PPP1R12B: variants seen among roughly 807,000 people sequenced by gnomAD.
PPP1R12B encodes the protein myosin phosphatase target subunit 2.
A neutral mutation model predicts 126.1 loss-of-function variants in PPP1R12B; 76 were observed. That is an observed-to-expected ratio of 0.60 (90% CI 0.50 to 0.73). The LOEUF is 0.73. Among genes scored for constraint, PPP1R12B ranks in the 30% least tolerant of loss-of-function variants. The probability of loss-of-function intolerance (pLI) is 0.00; values close to 1 mark genes in which losing one functional copy is unlikely to be tolerated. For synonymous variants in PPP1R12B, 356 were observed against 434.7 expected (o/e 0.82, Z 2.25); for missense variants, 1,052 against 1,205.1 (o/e 0.87, Z 1.88).
At chr1:202,393,683 A>T (rs917245592) in intron 1 of PPP1R12B, among the ~76,000 whole-genome samples, 3 of 152,218 alleles carry the variant, frequency 2.0e-5, no homozygotes, top group Non-Finnish European at 4.4e-5. Flanking sequence ...ATAGTAAAAA[A>T]TTAAGGAAAA....
rs1572596758 is a variant in PPP1R12B, at chr1:202,590,580, A to C, written c.*10020A>C. ...CAGCGCAGCAAAAACAACCAGAGAC[A>C]CCCCCCACCCCCAGGTTTCTTTCAG... On this transcript the variant is annotated 3_prime_UTR_variant, in exon 24 of 24. Coordinates refer to ENST00000608999, the MANE Select transcript of PPP1R12B (RefSeq NM_002481.4). The C allele has an allele frequency of 6.9e-6, 1 of 145,618 alleles. No homozygotes were observed. The highest frequency in any genetic ancestry group is 1.5e-5 in the Non-Finnish European group (1 of 66,234). The allele number at this position is 145,618 out of a possible 1,614,324, so 9.0% of individuals were successfully genotyped here.
chr1:202,552,171 A>G (rs1686397067), intron 18 of PPP1R12B, among the ~76,000 whole-genome samples: 1 of 152,242 alleles, frequency 6.6e-6, no homozygotes, highest in Admixed American at 6.5e-5. Context: ...CATAGGCCTC[A>G]TTATCATTGC....
chr1:202,440,702 A>C lies in PPP1R12B; in HGVS notation c.1459-4A>C. 6.2e-7 allele frequency: 1 copy of C among 1,607,964 alleles called. No individual in the cohort carries two copies. Among genetic ancestry groups the C allele is most frequent in the East Asian group, 2.2e-5 (1 of 44,808 alleles). On this transcript the variant is annotated splice_region_variant and splice_polypyrimidine_tract_variant and intron_variant, in intron 10 of 23. Coordinates refer to ENST00000608999, the MANE Select transcript of PPP1R12B (RefSeq NM_002481.4). ...CTTGTGCTTTACTTGTTTTTATTTT[A>C]CAGGAGAGAGAAAACAAAAGCTATA...
At chr1:202,516,224 T>A (rs192658884) in intron 18 of PPP1R12B, among the ~76,000 whole-genome samples, 26 of 152,176 alleles carry the variant, frequency 1.7e-4, no homozygotes, top group African/African-American at 6.3e-4. Context: ...CTGGTCATAG[T>A]GATGAAGAAG....
chr1:202,421,320 T>A lies in PPP1R12B; in HGVS notation c.423-1300T>A, dbSNP rs78066526. Among the ~76,000 whole-genome samples the A allele has an allele frequency of 1.9e-3, 292 of 149,858 alleles. 1 individual carries two copies. Among genetic ancestry groups the A allele is most frequent in the Middle Eastern group, 0.014 (4 of 292 alleles). On this transcript the variant is annotated intron_variant, in intron 2 of 23. Coordinates refer to ENST00000608999, the MANE Select transcript of PPP1R12B (RefSeq NM_002481.4). ...CTCTCTCTTTTTTTTTTTTTTTTTT[T>A]AAATCTCCTACAGTGTCTAAAATGT...
Position 202,493,213 on chromosome 1 carries a change from A to G in PPP1R12B, c.2041A>G (p.Thr681Ala), listed in dbSNP as rs769126822. The change falls in exon 15 of 24, where the codon ACT becomes GCT. Residue 681 changes from threonine (T) to alanine (A), a missense_variant. By Grantham distance (58) the Thr-to-Ala change is moderately conservative. Coordinates refer to ENST00000608999, the MANE Select transcript of PPP1R12B (RefSeq NM_002481.4). ...QEQPREKPTD[T>A]EGLEGSPEKH... ...GCAGCCTCGTGAGAAGCCCACAGACACTGAAGGGCTTGAGGGGAGCCCTGA... is the reference window on the plus strand; with the variant it reads ...GCAGCCTCGTGAGAAGCCCACAGACGCTGAAGGGCTTGAGGGGAGCCCTGA... The G allele has an allele frequency of 1.1e-5, 17 of 1,612,818 alleles. No individual in the cohort carries two copies. Among genetic ancestry groups the G allele is most frequent in the East Asian group, 2.2e-5 (1 of 44,898 alleles).
Position 202,441,721 on chromosome 1 carries a change from A to G in PPP1R12B, c.1542-726A>G, listed in dbSNP as rs907210105. ...CATTTATAATGCTAAAGAGGCTTCC[A>G]GCAAGACTTCTTTCCCTTTCCCCTT... On this transcript the variant is annotated intron_variant, in intron 11 of 23. Coordinates refer to ENST00000608999, the MANE Select transcript of PPP1R12B (RefSeq NM_002481.4). Among the ~76,000 whole-genome samples, 12 of 152,260 alleles carry G rather than the reference A, an allele frequency of 7.9e-5. No individual in the cohort carries two copies. In the East Asian group the frequency reaches 2.3e-3, roughly 29 times the overall value.
At position 202,428,921 on chromosome 1, in the gene PPP1R12B, C is replaced by G. The variant is rs1489567151; in HGVS notation, c.913C>G (p.Gln305Glu). 2.5e-6 allele frequency: 4 copies of G among 1,606,126 alleles called. No individual in the cohort carries two copies. The South Asian group carries it at 3.3e-5, about 13-fold the overall frequency. The change falls in exon 6 of 24, where the codon CAG becomes GAG. Residue 305 changes from glutamine to glutamate, a missense_variant. Coordinates refer to ENST00000608999, the MANE Select transcript of PPP1R12B (RefSeq NM_002481.4). ...GCATTTGGAGTTGCTCCAGAAGAAG[C>G]AGAATGTGGTGAGTTTCTGATTGGT... ...VEHLELLQKK[Q>E]NVLRSEKETR...
rs1180688940 is a variant in PPP1R12B, at chr1:202,585,701, T to C, written c.*5141T>C. ...CACATCAAGGTTGACTTCTCATCCT[T>C]TTTGGGAAGTGAATTTAATATTGAG... On this transcript the variant is annotated 3_prime_UTR_variant, in exon 24 of 24. Coordinates refer to ENST00000608999, the MANE Select transcript of PPP1R12B (RefSeq NM_002481.4). 2 of 152,220 alleles carry C rather than the reference T, an allele frequency of 1.3e-5. No individual in the cohort carries two copies. Among genetic ancestry groups the C allele is most frequent in the East Asian group, 1.9e-4 (1 of 5,200 alleles). The allele number at this position is 152,220 out of a possible 1,614,324, so 9.4% of individuals were successfully genotyped here. A position where few individuals can be genotyped will look rare whatever the true frequency, so the allele number is the denominator to read the frequency against.
At chr1:202,473,349 C>T (rs528003179) in intron 13 of PPP1R12B, among the ~76,000 whole-genome samples, 1 of 152,292 alleles carries the variant, frequency 6.6e-6, no homozygotes, top group South Asian at 2.1e-4. Context: ...CCATTTATAG[C>T]AGATATGAAA....
intron 7 of PPP1R12B, 68 bp downstream of exon 7, chr1:202,430,878 A>G (rs1248259751): frequency 7.1e-6 from 11 of 1,541,960 alleles, no homozygotes; most frequent in Non-Finnish European, 9.6e-6. Flanking sequence ...TAACTTCAGA[A>G]TTTATAAAGT....
At chr1:202,457,011 A>G (rs1173435365) in intron 13 of PPP1R12B, among the ~76,000 whole-genome samples, 2 of 152,262 alleles carry the variant, frequency 1.3e-5, no homozygotes, top group Non-Finnish European at 2.9e-5. Flanking sequence ...AGAAACCTCA[A>G]ACTATTATTG....
chr1:202,422,302 G>A (rs1404506115), intron 2 of PPP1R12B, among the ~76,000 whole-genome samples: 1 of 152,152 alleles, frequency 6.6e-6, no homozygotes, highest in Non-Finnish European at 1.5e-5. Context: ...TGTGGCACTG[G>A]GAAAGTTTAA....
At chr1:202,366,095 C>G (rs1659179178) in intron 1 of PPP1R12B, among the ~76,000 whole-genome samples, 1 of 152,168 alleles carries the variant, frequency 6.6e-6, no homozygotes, top group Non-Finnish European at 1.5e-5. Context: ...TATCAGAATT[C>G]TGCACCTACT....
At chr1:202,365,296 A>G (rs1335970901) in intron 1 of PPP1R12B, among the ~76,000 whole-genome samples, 2 of 152,100 alleles carry the variant, frequency 1.3e-5, no homozygotes, top group Non-Finnish European at 2.9e-5. Context: ...AAGTCTAAAA[A>G]AAAAAGCCAA....
At chr1:202,415,712 A>G (rs763846667) in intron 1 of PPP1R12B, among the ~76,000 whole-genome samples, 7 of 152,262 alleles carry the variant, frequency 4.6e-5, no homozygotes, top group Admixed American at 2.0e-4. Flanking sequence ...GCTTTCTCCT[A>G]ATTGCTGCCA....
At position 202,588,528 on chromosome 1, in the gene PPP1R12B, C is replaced by T. The variant is rs963715350; in HGVS notation, c.*7968C>T. 1 of 152,558 alleles carries T rather than the reference C, an allele frequency of 6.6e-6. No individual in the cohort carries two copies. Among genetic ancestry groups the T allele is most frequent in the Non-Finnish European group, 1.5e-5 (1 of 68,040 alleles). 9.5% of individuals were successfully genotyped at this position (152,558 alleles called of 1,614,324 possible). On this transcript the variant is annotated 3_prime_UTR_variant, in exon 24 of 24. Transcript: ENST00000608999. ...TTCTATATGATGCCTGTAAACACAA[C>T]AGTATTTATAAATGAGTAAATAAAA...
intron 13 of PPP1R12B, among the ~76,000 whole-genome samples, chr1:202,475,815 A>C (rs1676560181): frequency 6.6e-6 from 1 of 150,536 alleles, no homozygotes. Context: ...CCCGGCCCCC[A>C]GTAGCTATCC....
chr1:202,367,594 G>A (rs951392827), intron 1 of PPP1R12B, among the ~76,000 whole-genome samples: 3 of 152,076 alleles, frequency 2.0e-5, no homozygotes, highest in African/African-American at 7.2e-5. Flanking sequence ...TTTTCCTTCT[G>A]CCTGGAATGC....
Sources: gnomAD v4.1 joint callset for allele counts (sites outside exome capture counted in the v4.1 genomes callset) on GRCh38, gnomAD v4.1.1 for gene constraint, MANE v1.5 for transcripts, NCBI Gene and HGNC (gene_info 2026-07-23, HGNC 2026-07-21) for gene names.